The following PRORP variants were observed in gnomAD, a reference collection of about 807,000 sequenced individuals.
The protein encoded by PRORP is mitochondrial ribonuclease P catalytic subunit.
A neutral mutation model predicts 59.4 loss-of-function variants in PRORP; 51 were observed. The observed-to-expected ratio is 0.86, with a 90% CI of 0.69 to 1.08. PRORP has a LOEUF of 1.08. Among genes scored for constraint, PRORP ranks in the 50% least tolerant of loss-of-function variants. The probability of loss-of-function intolerance (pLI) is 0.00; values close to 1 mark genes in which losing one functional copy is unlikely to be tolerated. For missense variants in PRORP, 646 were observed against 690.3 expected, an observed-to-expected ratio of 0.94 and a Z score of 0.72; for synonymous variants, 231 against 245.6, an observed-to-expected ratio of 0.94 and a Z score of 0.55.
chr14:35,246,846 T>C (rs1186371629), intron 5 of PRORP, among the ~76,000 whole-genome samples: 2 of 152,146 alleles, frequency 1.3e-5, no homozygotes, highest in African/African-American at 4.8e-5. Context: ...TTCCTCTCTC[T>C]TCTTTTCTTT....
chr14:35,126,731 A>T lies in PRORP; in HGVS notation c.987-4A>T. 6.2e-7 allele frequency: 1 copy of T among 1,607,556 alleles called. No individual in the cohort carries two copies. Among genetic ancestry groups the T allele is most frequent in the East Asian group, 2.2e-5 (1 of 44,788 alleles). On this transcript the variant is annotated splice_region_variant and splice_polypyrimidine_tract_variant and intron_variant, in intron 2 of 7. Coordinates refer to ENST00000534898, the MANE Select transcript of PRORP (RefSeq NM_014672.4). ...CATGATTTGGTTTTGCAATCTTTTC[A>T]TAGTGTTCCTGGAAAACAATGGAAA...
At chr14:35,267,007 ATTTGAGACAACTTAC>A in intron 6 of PRORP, 132 bp downstream of exon 6, 1 of 838,208 alleles carries the variant, frequency 1.2e-6, no homozygotes, top group Non-Finnish European at 1.7e-6. Context: ...AAAAAAAAAG[ATTTGAGACAACTTAC>A]AAAACTACGG....
In PRORP at chr14:35,227,766, A is replaced by T. The variant is rs111696212; in HGVS notation, c.1276-38961A>T. 4.3e-3 allele frequency among the ~76,000 whole-genome samples: 652 copies of T among 152,334 alleles called. 6 individuals carry two copies. The highest frequency in any genetic ancestry group is 0.015 in the African/African-American group (629 of 41,592). On this transcript the variant is annotated intron_variant, in intron 5 of 7. Coordinates refer to ENST00000534898, the MANE Select transcript of PRORP (RefSeq NM_014672.4). ...TTTTTTAAAATTTTAGTTTAAAATTATAATTTTTTTCTTTATTGTTCACAG... is the reference window on the plus strand; with the variant it reads ...TTTTTTAAAATTTTAGTTTAAAATTTTAATTTTTTTCTTTATTGTTCACAG...
chr14:35,146,423 C>G (rs1424140751), intron 4 of PRORP, among the ~76,000 whole-genome samples: 3 of 151,610 alleles, frequency 2.0e-5, no homozygotes, highest in African/African-American at 7.3e-5. Flanking sequence ...AAGAACTTAT[C>G]TAATTTAGGT....
chr14:35,200,851 G>T (rs1388845611), intron 5 of PRORP, among the ~76,000 whole-genome samples: 1 of 152,032 alleles, frequency 6.6e-6, no homozygotes, highest in East Asian at 1.9e-4. Flanking sequence ...TTGATATATT[G>T]CTATTAACTA....
Position 35,123,717 on chromosome 14 carries a change from G to T in PRORP, c.472G>T (p.Ala158Ser). 1 of 1,614,194 alleles carries T rather than the reference G, an allele frequency of 6.2e-7. No homozygotes were observed. The highest frequency in any genetic ancestry group is 1.1e-5 in the South Asian group (1 of 91,086). ...MAGCHSSIDV[A>S]KSLLAWVAAK... Reference sequence around the variant, plus strand: ...TGGCTGTCATAGCTCTATAGATGTGGCTAAATCTCTGCTGGCATGGGTAGC... The same window carrying T: ...TGGCTGTCATAGCTCTATAGATGTGTCTAAATCTCTGCTGGCATGGGTAGC... The change falls in exon 2 of 8, where the codon GCT becomes TCT. Residue 158 changes from alanine to serine, a missense_variant. Ala to Ser is a moderately conservative substitution (Grantham distance 99). Transcript: ENST00000534898.
intron 4 of PRORP, among the ~76,000 whole-genome samples, chr14:35,169,828 G>A (rs2048272177): frequency 6.6e-6 from 1 of 152,218 alleles, no homozygotes; most frequent in Non-Finnish European, 1.5e-5. Flanking sequence ...GTCTGCTATT[G>A]TTGGGCATAG....
intron 5 of PRORP, among the ~76,000 whole-genome samples, chr14:35,256,108 A>G (rs566984442): frequency 1.9e-3 from 294 of 151,284 alleles, no homozygotes; most frequent in Middle Eastern, 0.01. Context: ...ACATGGTGAA[A>G]CCCCATCTCT....
rs193099903 is a variant in PRORP at position 35,275,670 on chromosome 14, T to G, written c.*2104T>G. 3 of 151,928 alleles carry G rather than the reference T, an allele frequency of 2.0e-5. No homozygotes were observed. The East Asian group carries it at 5.8e-4, about 29-fold the overall frequency. The allele number at this position is 151,928 out of a possible 1,614,324, so 9.4% of individuals were successfully genotyped here. ...TTCCCAAAAAAGGAGCACATAGAGA[T>G]AGAGGAGGAGGCCGAAGTGGTGGCT... On this transcript the variant is annotated 3_prime_UTR_variant, in exon 8 of 8. Coordinates refer to ENST00000534898, the MANE Select transcript of PRORP (RefSeq NM_014672.4).
At chr14:35,235,233 CCA>C (rs1418987037) in intron 5 of PRORP, 1 of 727,650 alleles carries the variant, frequency 1.4e-6, no homozygotes, top group Non-Finnish European at 2.4e-6. Flanking sequence ...GTGATGCGAG[CCA>C]CAGACTTGGG....
At chr14:35,144,776 G>A (rs1343403652) in intron 4 of PRORP, among the ~76,000 whole-genome samples, 1 of 145,640 alleles carries the variant, frequency 6.9e-6, no homozygotes, top group Non-Finnish European at 1.5e-5. Context: ...AGGGTCTTGG[G>A]GATACCCAGC....
At chr14:35,182,502 G>T (rs4981269) in intron 5 of PRORP, among the ~76,000 whole-genome samples, 28,013 of 151,882 alleles carry the variant, frequency 0.18, 2,836 homozygotes, top group Admixed American at 0.27. Flanking sequence ...AAAATTAGCC[G>T]GGTGTGGTGG....
intron 5 of PRORP, among the ~76,000 whole-genome samples, chr14:35,213,973 TGTAAA>T (rs1403444413): frequency 6.6e-6 from 1 of 152,256 alleles, no homozygotes; most frequent in African/African-American, 2.4e-5. Flanking sequence ...AATGAATATC[TGTAAA>T]GTAATGTGCA....
chr14:35,227,881 A>G (rs1039338035), intron 5 of PRORP, among the ~76,000 whole-genome samples: 1 of 152,198 alleles, frequency 6.6e-6, no homozygotes, highest in Non-Finnish European at 1.5e-5. Flanking sequence ...GCAGTGGCTC[A>G]TGCCTGTAAT....
At chr14:35,129,235 GTTTAT>G (rs747129750) in intron 4 of PRORP, among the ~76,000 whole-genome samples, 2 of 151,860 alleles carry the variant, frequency 1.3e-5, no homozygotes, top group Non-Finnish European at 2.9e-5. Flanking sequence ...TATTTAGGTT[GTTTAT>G]TTTAAGTTTT....
chr14:35,171,305 G>T (rs1251052219), intron 4 of PRORP, among the ~76,000 whole-genome samples: 2 of 152,284 alleles, frequency 1.3e-5, no homozygotes, highest in Admixed American at 1.3e-4. Context: ...TATGTTGCAG[G>T]CTTGCTGGTG....
At chr14:35,135,596 A>G (rs1040293142) in intron 4 of PRORP, among the ~76,000 whole-genome samples, 3 of 152,156 alleles carry the variant, frequency 2.0e-5, no homozygotes, top group African/African-American at 4.8e-5. Context: ...GGTTGGTCCT[A>G]TAGCATACTA....
At position 35,268,136 on chromosome 14, in the gene PRORP, T is replaced by C. The variant is rs531976096; in HGVS notation, c.1424+1261T>C. ...GCCAAGGCAGGCAGATCACTCAAGA[T>C]CAGGAGTTTGAGACCAGCCTGGCCA... On this transcript the variant is annotated intron_variant, in intron 6 of 7. Coordinates refer to ENST00000534898, the MANE Select transcript of PRORP (RefSeq NM_014672.4). Among the ~76,000 whole-genome samples, 6 of 151,842 alleles carry C rather than the reference T, an allele frequency of 4.0e-5. No individual in the cohort carries two copies. The East Asian group carries it at 1.2e-3, about 29-fold the overall frequency.
intron 4 of PRORP, among the ~76,000 whole-genome samples, chr14:35,138,782 C>A (rs1370640209): frequency 3.6e-5 from 5 of 139,124 alleles, no homozygotes; most frequent in African/African-American, 1.2e-4. Flanking sequence ...TGGACCTCAG[C>A]CACTAAAGAT....
Sources: allele counts gnomAD v4.1 joint callset (sites outside exome capture counted in the v4.1 genomes callset), GRCh38; gene constraint gnomAD v4.1.1; transcripts MANE v1.5; gene names NCBI Gene and HGNC (gene_info 2026-07-23, HGNC 2026-07-21).